Variants in CYTH3 observed in about 807,000 individuals in gnomAD.
CYTH3 encodes the protein cytohesin-3.
In CYTH3, 23 loss-of-function variants were observed where a neutral mutation model predicts 55.1. That is an observed-to-expected ratio of 0.42 (90% confidence interval 0.30 to 0.59). The LOEUF is 0.59. Among genes scored for constraint, CYTH3 ranks in the 20% least tolerant of loss-of-function variants. CYTH3 has a pLI of 0.20. For missense variants in CYTH3, 413 were observed against 524.8 expected (o/e 0.79, Z 2.08); for synonymous variants, 249 against 194.9 (o/e 1.28, Z -2.31).
chr7:6,216,861 G>GA (rs71549612), intron 1 of CYTH3, among the ~76,000 whole-genome samples: 7,556 of 95,578 alleles, frequency 0.079, 436 homozygotes, highest in African/African-American at 0.17. Flanking sequence ...AGCTGAACAG[G>GA]AAAAAAAAAA....
intron 1 of CYTH3, among the ~76,000 whole-genome samples, chr7:6,206,316 G>T (rs1312844286): frequency 6.6e-6 from 1 of 152,198 alleles, no homozygotes; most frequent in Non-Finnish European, 1.5e-5. Flanking sequence ...GATGAACTGA[G>T]AACACGATGC....
intron 4 of CYTH3, among the ~76,000 whole-genome samples, chr7:6,179,868 CCACA>C (rs1491138214): frequency 1.3e-5 from 1 of 76,056 alleles, no homozygotes; most frequent in East Asian, 2.9e-4. Context: ...CCACACACAC[CCACA>C]CACACCACAC....
rs1255996149 is a variant in CYTH3 at position 6,164,671 on chromosome 7, C to T, written c.*273G>A. 8 of 509,950 alleles carry T rather than the reference C, an allele frequency of 1.6e-5. No individual in the cohort carries two copies. Among genetic ancestry groups the T allele is most frequent in the African/African-American group, 5.8e-5 (3 of 51,632 alleles). 31.6% of individuals were successfully genotyped at this position (509,950 alleles called of 1,614,324 possible). On this transcript the variant is annotated 3_prime_UTR_variant, in exon 13 of 13. Coordinates refer to ENST00000350796, the MANE Select transcript of CYTH3 (RefSeq NM_004227.4). ...GGAAATGCTTCTGGACATGCGCAGC[C>T]GACCATGACCCCAGCCACGGCAGGA...
At chr7:6,174,636 C>G (rs1783294299) in intron 5 of CYTH3, among the ~76,000 whole-genome samples, 1 of 151,080 alleles carries the variant, frequency 6.6e-6, no homozygotes, top group Non-Finnish European at 1.5e-5. Flanking sequence ...CAACCTCCAC[C>G]TCCTGGGTTC....
chr7:6,268,663 A>G (rs1375214372), intron 1 of CYTH3, among the ~76,000 whole-genome samples: 1 of 152,230 alleles, frequency 6.6e-6, no homozygotes, highest in Non-Finnish European at 1.5e-5. Flanking sequence ...GTGTACAAAT[A>G]TATCTGCAGG....
intron 1 of CYTH3, among the ~76,000 whole-genome samples, chr7:6,194,513 G>A (rs913617096): frequency 6.6e-6 from 1 of 152,158 alleles, no homozygotes; most frequent in African/African-American, 2.4e-5. Flanking sequence ...AATCTCACCA[G>A]ACTGTGACCT....
At position 6,187,110 on chromosome 7, in the gene CYTH3, C is replaced by A; in HGVS notation, c.189G>T (p.Thr63=). Residue 63 remains threonine, a synonymous_variant, in exon 4 of 13, where the codon ACG becomes ACT. Coordinates refer to ENST00000350796, the MANE Select transcript of CYTH3 (RefSeq NM_004227.4). ...TGGCTATCTGTTTGTTCCTCTGAGT[C>A]GTTTTGCTATTGGTGTGAAATAATT... ...DNLTSVEESK[T]TQRNKQIAMG... The A allele has an allele frequency of 6.2e-7, 1 of 1,614,026 alleles. No homozygotes were observed. Among genetic ancestry groups the A allele is most frequent in the Non-Finnish European group, 8.5e-7 (1 of 1,179,928 alleles).
chr7:6,217,094 G>T (rs1357964179), intron 1 of CYTH3, among the ~76,000 whole-genome samples: 1 of 152,024 alleles, frequency 6.6e-6, no homozygotes, highest in East Asian at 1.9e-4. Context: ...TCTATTTTTA[G>T]TAGAGACAGG....
intron 4 of CYTH3, among the ~76,000 whole-genome samples, chr7:6,182,732 A>G (rs922433139): frequency 6.6e-6 from 1 of 151,340 alleles, no homozygotes; most frequent in African/African-American, 2.4e-5. Flanking sequence ...CTGGTTTTGA[A>G]CTCCTGAGCT....
intron 1 of CYTH3, among the ~76,000 whole-genome samples, chr7:6,202,627 CT>C (rs1562385185): frequency 6.6e-6 from 1 of 152,158 alleles, no homozygotes; most frequent in Non-Finnish European, 1.5e-5. Context: ...CCACGCCCAA[CT>C]AATTTTGTTT....
intron 1 of CYTH3, among the ~76,000 whole-genome samples, chr7:6,241,318 C>A (rs140946098): frequency 3.3e-4 from 51 of 152,284 alleles, no homozygotes; most frequent in Admixed American, 7.8e-4. Flanking sequence ...AACAACCCAA[C>A]AGATAAATGG....
chr7:6,184,688 C>T (rs575995567), intron 4 of CYTH3, among the ~76,000 whole-genome samples: 25 of 152,224 alleles, frequency 1.6e-4, no homozygotes, highest in Admixed American at 6.5e-4. Context: ...AAGCGATTCT[C>T]GCGCCTCAGC....
At chr7:6,270,838 C>A (rs190767993) in intron 1 of CYTH3, among the ~76,000 whole-genome samples, 2 of 152,288 alleles carry the variant, frequency 1.3e-5, no homozygotes, top group Non-Finnish European at 2.9e-5. Flanking sequence ...TCAAGACCTG[C>A]AAATTGCTGG....
chr7:6,252,027 A>C (rs543076184), intron 1 of CYTH3, among the ~76,000 whole-genome samples: 1 of 152,260 alleles, frequency 6.6e-6, no homozygotes, highest in Non-Finnish European at 1.5e-5. Flanking sequence ...TTTCAGCTAC[A>C]GGATGGTGAT....
chr7:6,232,402 A>T (rs1266543903), intron 1 of CYTH3, among the ~76,000 whole-genome samples: 1 of 151,942 alleles, frequency 6.6e-6, no homozygotes, highest in Non-Finnish European at 1.5e-5. Flanking sequence ...TCTTCTCCCA[A>T]CTGCTATTCC....
intron 2 of CYTH3, among the ~76,000 whole-genome samples, chr7:6,189,605 G>A (rs932139075): frequency 2.0e-5 from 3 of 151,964 alleles, no homozygotes; most frequent in African/African-American, 7.2e-5. Context: ...CGCTGTGCCC[G>A]GCCTAATGTG....
At chr7:6,185,079 C>T (rs1210442134) in intron 4 of CYTH3, among the ~76,000 whole-genome samples, 1 of 152,200 alleles carries the variant, frequency 6.6e-6, no homozygotes, top group Non-Finnish European at 1.5e-5. Context: ...ATAAATCTAA[C>T]TCCACAGTTC....
intron 1 of CYTH3, among the ~76,000 whole-genome samples, chr7:6,243,621 G>C (rs1779730750): frequency 6.6e-6 from 1 of 152,178 alleles, no homozygotes; most frequent in Non-Finnish European, 1.5e-5. Context: ...AATTTACTTA[G>C]GTGGCTTTCA....
At position 6,171,464 on chromosome 7, in the gene CYTH3, G is replaced by A. The variant is rs1783191874; in HGVS notation, c.450-150C>T. 7.8e-6 allele frequency: 5 copies of A among 644,436 alleles called. No homozygotes were observed. The highest frequency in any genetic ancestry group is 2.7e-6 in the Non-Finnish European group (1 of 368,342). The allele number at this position is 644,436 out of a possible 1,614,324, so 39.9% of individuals were successfully genotyped here. A position where few individuals can be genotyped will look rare whatever the true frequency, so the allele number is the denominator to read the frequency against. On this transcript the variant is annotated intron_variant, in intron 6 of 12. Coordinates refer to ENST00000350796, the MANE Select transcript of CYTH3 (RefSeq NM_004227.4). This position sits in a 1 kb window ranked among gnomAD's most constrained non-coding sequence, Gnocchi z 6.7. ...GGCTTGGGGGCGCAGAGACAGAAAG[G>A]AGAAGACCCAGGACAGTCTCCTTCC... is the stretch of plus-strand genomic sequence containing the variant.
Sources: gnomAD v4.1 joint callset for allele counts (sites outside exome capture counted in the v4.1 genomes callset) on GRCh38, gnomAD v4.1.1 for gene constraint, Gnocchi (gnomAD v3.1) non-coding constraint, MANE v1.5 for transcripts, NCBI Gene and HGNC (gene_info 2026-07-23, HGNC 2026-07-21) for gene names.